The following GLS variants were observed in gnomAD, a reference collection of about 807,000 sequenced individuals.
GLS encodes glutaminase kidney isoform, mitochondrial.
In GLS, 36 loss-of-function variants were observed where a neutral mutation model predicts 86.7. The ratio of observed to expected loss-of-function variants is 0.42; its 90% CI spans 0.32 to 0.55. GLS has a LOEUF of 0.55. GLS is among the 20% of genes least tolerant of loss of function. The probability of loss-of-function intolerance (pLI) is 0.17; values close to 1 mark genes in which losing one functional copy is unlikely to be tolerated. For missense variants in GLS, 528 were observed against 833.4 expected (o/e 0.63, Z 4.51); for synonymous variants, 317 against 305.9 (o/e 1.04, Z -0.38).
rs575489284 is a variant in GLS at position 190,895,278 on chromosome 2, T to TA, written c.483+37dup. The TA allele has an allele frequency of 3.0e-5, 26 of 871,548 alleles. No individual in the cohort carries two copies. The highest frequency in any genetic ancestry group is 1.5e-4 in the African/African-American group (9 of 58,876). 54.0% of individuals were successfully genotyped at this position (871,548 alleles called of 1,614,324 possible). Reference sequence around the variant, plus strand: ...GTTTTTATATTTTTCTATCTTAACTTAAAAAAATCAATAATAATAAATATA... The same window carrying TA: ...GTTTTTATATTTTTCTATCTTAACTTAAAAAAAATCAATAATAATAAATATA... On this transcript the variant is annotated intron_variant, in intron 2 of 17. Coordinates refer to ENST00000320717, the MANE Select transcript of GLS (RefSeq NM_014905.5). The surrounding 1 kb of genome is among the most constrained non-coding windows in gnomAD (Gnocchi z 4.2).
intron 14 of GLS, among the ~76,000 whole-genome samples, chr2:190,944,566 T>G (rs999697363): frequency 6.6e-6 from 1 of 152,224 alleles, no homozygotes; most frequent in Non-Finnish European, 1.5e-5. Flanking sequence ...GCTTTCTGGC[T>G]TATTGATTAG....
chr2:190,935,499 G>A lies in GLS; in HGVS notation c.1650+3862G>A, dbSNP rs1363379628. The stretch of plus-strand genomic sequence containing the variant: ...TTTTTTAAAATGCAATATAGCATTA[G>A]TGGTTTTTTTGGGAGGAGGACTTTT... On this transcript the variant is annotated intron_variant, in intron 14 of 17. Transcript: ENST00000320717. The surrounding 1 kb of genome is among the most constrained non-coding windows in gnomAD (Gnocchi z 4.2). 1.3e-5 allele frequency among the ~76,000 whole-genome samples: 2 copies of A among 151,266 alleles called. No homozygotes were observed. The highest frequency in any genetic ancestry group is 1.3e-4 in the Admixed American group (2 of 15,162).
Position 190,942,067 on chromosome 2 carries a change from C to CTTTTTTTTTTTTTTTTTT in GLS, c.1650+10443_1650+10460dup, listed in dbSNP as rs3036653. 1.4e-3 allele frequency among the ~76,000 whole-genome samples: 54 copies of CTTTTTTTTTTTTTTTTTT among 38,056 alleles called. 21 individuals are homozygous for CTTTTTTTTTTTTTTTTTT. The highest frequency in any genetic ancestry group is 2.7e-3 in the Non-Finnish European group (47 of 17,204). 25.0% of individuals were successfully genotyped at this position (38,056 alleles called of 152,430 possible). A position where few individuals can be genotyped will look rare whatever the true frequency, so the allele number is the denominator to read the frequency against. ...AGAGTTTAGTGTGAAACTTTGAAGA[C>CTTTTTTTTTTTTTTTTTT]TTTTTTTTTTTTTTTTTTTTTTTTT... On this transcript the variant is annotated intron_variant, in intron 14 of 17. Transcript: ENST00000320717.
chr2:190,923,412 G>A (rs1449681995), intron 9 of GLS, among the ~76,000 whole-genome samples: 1 of 152,162 alleles, frequency 6.6e-6, no homozygotes, highest in East Asian at 1.9e-4. Context: ...TTTCTAACCC[G>A]TTCATGATGC....
intron 17 of GLS, among the ~76,000 whole-genome samples, chr2:190,958,104 A>G (rs939637849): frequency 2.0e-5 from 3 of 152,176 alleles, no homozygotes; most frequent in Non-Finnish European, 2.9e-5. Context: ...TTACTGCCTC[A>G]ATTTCAGAAC....
At chr2:190,937,395 ACTACT>A (rs1690301972) in intron 14 of GLS, among the ~76,000 whole-genome samples, 1 of 151,352 alleles carries the variant, frequency 6.6e-6, no homozygotes, top group Non-Finnish European at 1.5e-5. Flanking sequence ...AATTTAGAAA[ACTACT>A]CTAAGAGGAT....
chr2:190,952,046 A>C (rs1402463453), intron 14 of GLS, among the ~76,000 whole-genome samples: 1 of 152,190 alleles, frequency 6.6e-6, no homozygotes, highest in Admixed American at 6.5e-5. Context: ...CTCTATAAAA[A>C]ACAACAAACT....
rs571597649 is a variant in GLS at position 190,895,783 on chromosome 2, T to C, written c.605+58T>C. 7.0e-6 allele frequency: 10 copies of C among 1,419,110 alleles called. No individual in the cohort carries two copies. The African/African-American group carries it at 1.3e-4, about 18-fold the overall frequency. The allele number at this position is 1,419,110 out of a possible 1,614,324, so 87.9% of individuals were successfully genotyped here. ...TTGCTATGCTATACGGTGATTCTGCTTTTAAAACAAAATTGCATCTTTGAA... is the reference window on the plus strand; with the variant it reads ...TTGCTATGCTATACGGTGATTCTGCCTTTAAAACAAAATTGCATCTTTGAA... On this transcript the variant is annotated intron_variant, in intron 3 of 17. Transcript: ENST00000320717. This position sits in a 1 kb window ranked among gnomAD's most constrained non-coding sequence, Gnocchi z 4.2.
intron 14 of GLS, among the ~76,000 whole-genome samples, chr2:190,948,042 A>G (rs1261314059): frequency 1.3e-5 from 2 of 152,172 alleles, no homozygotes; most frequent in Admixed American, 6.5e-5. Context: ...ATGTAAACTT[A>G]AAAGTATAGG....
chr2:190,907,318 C>T (rs1005156852), intron 6 of GLS, among the ~76,000 whole-genome samples: 15 of 150,328 alleles, frequency 1.0e-4, no homozygotes, highest in Non-Finnish European at 1.8e-4. Context: ...CTCGGCTCGG[C>T]GCAATCTCGG....
chr2:190,904,139 G>C (rs569411410), intron 5 of GLS, among the ~76,000 whole-genome samples: 14 of 151,962 alleles, frequency 9.2e-5, no homozygotes, highest in African/African-American at 3.1e-4. Flanking sequence ...TTATAAAACT[G>C]GATGCTTTTT....
chr2:190,886,610 TA>T (rs1321146056), intron 1 of GLS, among the ~76,000 whole-genome samples: 2 of 152,164 alleles, frequency 1.3e-5, no homozygotes, highest in Non-Finnish European at 2.9e-5. Flanking sequence ...CTTTGAGTTT[TA>T]AAAAGTTATT....
Position 190,924,713 on chromosome 2 carries a change from G to T in GLS, c.1248+120G>T. On this transcript the variant is annotated intron_variant, in intron 11 of 17. Transcript: ENST00000320717. This position sits in a 1 kb window ranked among gnomAD's most constrained non-coding sequence, Gnocchi z 5.2. ...AGGTGGATCATGAGGTCAAGAGATA[G>T]AGGTCATCCTGGCCAACATGGTGAA... The T allele has an allele frequency of 1.5e-6, 1 of 647,166 alleles. No homozygotes were observed. The highest frequency in any genetic ancestry group is 2.8e-6 in the Non-Finnish European group (1 of 352,228). 40.1% of individuals were successfully genotyped at this position (647,166 alleles called of 1,614,324 possible). A position where few individuals can be genotyped will look rare whatever the true frequency, so the allele number is the denominator to read the frequency against.
chr2:190,954,683 CT>C lies in GLS; in HGVS notation c.1789+24del. Reference sequence around the variant, plus strand: ...AGGGTAATACAGGAACTACTCCTATCTATTTTCTTTCCAGATTTAATTTCTA... The same window carrying C: ...AGGGTAATACAGGAACTACTCCTATCATTTTCTTTCCAGATTTAATTTCTA... On this transcript the variant is annotated intron_variant, in intron 16 of 17. Transcript: ENST00000320717. The surrounding 1 kb of genome is among the most constrained non-coding windows in gnomAD (Gnocchi z 4.0). 3.7e-6 allele frequency: 6 copies of C among 1,606,598 alleles called. No homozygotes were observed. The highest frequency in any genetic ancestry group is 5.1e-6 in the Non-Finnish European group (6 of 1,173,182).
chr2:190,951,312 T>C lies in GLS; in HGVS notation c.1651-2253T>C, dbSNP rs976537786. Among the ~76,000 whole-genome samples the C allele has an allele frequency of 1.9e-4, 29 of 151,918 alleles. No homozygotes were observed. The highest frequency in any genetic ancestry group is 7.0e-4 in the African/African-American group (29 of 41,346). On this transcript the variant is annotated intron_variant, in intron 14 of 17. Coordinates refer to ENST00000320717, the MANE Select transcript of GLS (RefSeq NM_014905.5). The surrounding 1 kb of genome is among the most constrained non-coding windows in gnomAD (Gnocchi z 4.2). ...AGCTTTGGAGAGCGCTGTTTAGAGG[T>C]AACAATGAGTGTGAAGGTAATTTTC...
At position 190,938,597 on chromosome 2, in the gene GLS, T is replaced by C. The variant is rs1690340656; in HGVS notation, c.1650+6960T>C. ...CCCCACTCAGCCCCCTTTTCCAGGT[T>C]TCCTAGCACTTTGCTTTTTCTATTA... is the stretch of plus-strand genomic sequence containing the variant. On this transcript the variant is annotated intron_variant, in intron 14 of 17. Coordinates refer to ENST00000320717, the MANE Select transcript of GLS (RefSeq NM_014905.5). The surrounding 1 kb of genome is among the most constrained non-coding windows in gnomAD (Gnocchi z 4.1). Among the ~76,000 whole-genome samples the C allele has an allele frequency of 1.3e-5, 2 of 151,724 alleles. No individual in the cohort carries two copies. Among genetic ancestry groups the C allele is most frequent in the Admixed American group, 1.3e-4 (2 of 15,216 alleles).
Position 190,881,238 on chromosome 2 carries a change from G to T in GLS, c.154G>T (p.Ala52Ser). ...GCCGGCCGCGGGCCCGGCTGCCGCC[G>T]CGCGACTCCACCCGTGGTGGGGCGG... ...GRPAAGPAAA[A>S]RLHPWWGGGG... Residue 52 changes from alanine to serine, a missense_variant, in exon 1 of 18, where the codon GCG becomes TCG. By Grantham distance (99) the Ala-to-Ser change is moderately conservative. Transcript: ENST00000320717. 1 of 1,250,408 alleles carries T rather than the reference G, an allele frequency of 8.0e-7. No individual in the cohort carries two copies. Among genetic ancestry groups the T allele is most frequent in the Non-Finnish European group, 1.0e-6 (1 of 1,000,608 alleles). 77.5% of individuals were successfully genotyped at this position (1,250,408 alleles called of 1,614,324 possible). A position where few individuals can be genotyped will look rare whatever the true frequency, so the allele number is the denominator to read the frequency against.
At position 190,951,299 on chromosome 2, in the gene GLS, C is replaced by A. The variant is rs1409232429; in HGVS notation, c.1651-2266C>A. Among the ~76,000 whole-genome samples, 1 of 151,892 alleles carries A rather than the reference C, an allele frequency of 6.6e-6. No homozygotes were observed. The highest frequency in any genetic ancestry group is 1.5e-5 in the Non-Finnish European group (1 of 68,004). On this transcript the variant is annotated intron_variant, in intron 14 of 17. Transcript: ENST00000320717. This position sits in a 1 kb window ranked among gnomAD's most constrained non-coding sequence, Gnocchi z 4.2. ...AGGAAGCTGCTGGAGCTTTGGAGAG[C>A]GCTGTTTAGAGGTAACAATGAGTGT...
At chr2:190,887,341 C>G (rs576051411) in intron 1 of GLS, among the ~76,000 whole-genome samples, 1 of 151,958 alleles carries the variant, frequency 6.6e-6, no homozygotes, top group Non-Finnish European at 1.5e-5. Flanking sequence ...CCCCCTACAA[C>G]GTAGTAGAAG....
Sources: allele counts gnomAD v4.1 joint callset (sites outside exome capture counted in the v4.1 genomes callset), GRCh38; gene constraint gnomAD v4.1.1; non-coding constraint Gnocchi (gnomAD v3.1); transcripts MANE v1.5; gene names NCBI Gene and HGNC (gene_info 2026-07-23, HGNC 2026-07-21).